Variants in DDX6 observed in about 807,000 individuals in gnomAD.
DDX6 encodes the protein probable ATP-dependent RNA helicase DDX6.
In DDX6, 7 loss-of-function variants were observed where a neutral mutation model predicts 60.6. The observed-to-expected ratio is 0.12, with a 90% confidence interval of 0.07 to 0.22. The LOEUF is 0.22. DDX6 is among the 10% of genes least tolerant of loss of function. The probability of loss-of-function intolerance (pLI) is 1.00; values close to 1 mark genes in which losing one functional copy is unlikely to be tolerated. For synonymous variants in DDX6, 207 were observed against 201.0 expected (o/e 1.03, Z -0.25); for missense variants, 270 against 589.9 (o/e 0.46, Z 5.62).
chr11:118,759,123 G>T (rs906503134), intron 8 of DDX6: 2 of 457,064 alleles, frequency 4.4e-6, no homozygotes, highest in Non-Finnish European at 7.6e-6. Context: ...GTAGTGGCAC[G>T]ATCTCTGCTC....
At chr11:118,783,654 T>C (rs1334118735) in intron 2 of DDX6, among the ~76,000 whole-genome samples, 2 of 151,354 alleles carry the variant, frequency 1.3e-5, no homozygotes, top group African/African-American at 2.4e-5. Flanking sequence ...ATACAAAAAT[T>C]AGCCAGACGT....
At chr11:118,769,444 C>T (rs913801236) in intron 4 of DDX6, among the ~76,000 whole-genome samples, 1 of 152,280 alleles carries the variant, frequency 6.6e-6, no homozygotes, top group South Asian at 2.1e-4. Context: ...TAATATTTGG[C>T]TTACTTTGTT....
At chr11:118,754,222 G>T (rs1337094764) in intron 13 of DDX6, among the ~76,000 whole-genome samples, 1 of 152,190 alleles carries the variant, frequency 6.6e-6, no homozygotes, top group African/African-American at 2.4e-5. Flanking sequence ...TGGAGTTCAG[G>T]AGTTCTGGAC....
At position 118,750,521 on chromosome 11, in the gene DDX6, A is replaced by G. The variant is rs1302705386; in HGVS notation, c.*1584T>C. 2 of 152,196 alleles carry G rather than the reference A, an allele frequency of 1.3e-5. No homozygotes were observed. The highest frequency in any genetic ancestry group is 1.3e-4 in the Admixed American group (2 of 15,260). The allele number at this position is 152,196 out of a possible 1,614,324, so 9.4% of individuals were successfully genotyped here. Reference sequence around the variant, plus strand: ...CAAAAGTTTATGTATCAAAGCGGGCAGAGGGCAACACATTTACACACTACA... The same window carrying G: ...CAAAAGTTTATGTATCAAAGCGGGCGGAGGGCAACACATTTACACACTACA... On this transcript the variant is annotated 3_prime_UTR_variant, in exon 14 of 14. Coordinates refer to ENST00000534980, the MANE Select transcript of DDX6 (RefSeq NM_004397.6).
intron 11 of DDX6, 74 bp from the exon 12 acceptor site, chr11:118,755,577 T>C (rs11217014): frequency 0.24 from 188,519 of 775,544 alleles, 23,733 homozygotes; most frequent in South Asian, 0.32. Context: ...CACATATTTC[T>C]AGCATAACCT....
chr11:118,765,441 G>T, intron 5 of DDX6, 86 bp from the exon 6 acceptor site: 1 of 1,424,356 alleles, frequency 7.0e-7, no homozygotes, highest in Non-Finnish European at 9.8e-7. Context: ...AATTTAAGAA[G>T]CTATAGAAAT....
chr11:118,770,984 A>G (rs1436137065), intron 4 of DDX6, among the ~76,000 whole-genome samples: 1 of 152,182 alleles, frequency 6.6e-6, no homozygotes, highest in Non-Finnish European at 1.5e-5. Flanking sequence ...GCAAACAAAG[A>G]AGAAAACCTT....
At position 118,751,067 on chromosome 11, in the gene DDX6, GTATATATA is replaced by G. The variant is rs36063767; in HGVS notation, c.*1030_*1037del. On this transcript the variant is annotated 3_prime_UTR_variant, in exon 14 of 14. Coordinates refer to ENST00000534980, the MANE Select transcript of DDX6 (RefSeq NM_004397.6). Reference sequence around the variant, plus strand: ...CATCCAAAAAAAAATATATATATATGTATATATATATATATATATGAACCCAGAAAAAA... The same window carrying G: ...CATCCAAAAAAAAATATATATATATGTATATATATATGAACCCAGAAAAAA... 7.1e-5 allele frequency: 10 copies of G among 140,188 alleles called. No homozygotes were observed. The South Asian group carries it at 1.3e-3, about 19-fold the overall frequency. The allele number at this position is 140,188 out of a possible 1,614,324, so 8.7% of individuals were successfully genotyped here. A position where few individuals can be genotyped will look rare whatever the true frequency, so the allele number is the denominator to read the frequency against.
At chr11:118,773,432 C>T (rs1236540657) in intron 4 of DDX6, among the ~76,000 whole-genome samples, 2 of 152,108 alleles carry the variant, frequency 1.3e-5, no homozygotes, top group Admixed American at 1.3e-4. Flanking sequence ...ATTAGCCGGG[C>T]GTGGTGGCAG....
At chr11:118,759,008 G>A in intron 8 of DDX6, 106 bp from the exon 9 acceptor site, 4 of 1,428,012 alleles carry the variant, frequency 2.8e-6, no homozygotes, top group South Asian at 1.3e-5. Flanking sequence ...AACTCTTGCT[G>A]TAAGGGACGC....
chr11:118,769,648 AAAT>A (rs376288319), intron 4 of DDX6, among the ~76,000 whole-genome samples: 24 of 147,418 alleles, frequency 1.6e-4, no homozygotes, highest in African/African-American at 5.0e-4. Context: ...ACAAACTATA[AAAT>A]ACAATAGATC....
rs1555158524 is a variant in DDX6 at position 118,755,486 on chromosome 11, T to C, written c.1192A>G (p.Ile398Val). The C allele has an allele frequency of 6.3e-7, 1 of 1,595,286 alleles. No homozygotes were observed. Among genetic ancestry groups the C allele is most frequent in the Non-Finnish European group, 8.6e-7 (1 of 1,164,492 alleles). Residue 398 changes from isoleucine (I) to valine (V), a missense_variant, in exon 12 of 14, where the codon ATT (isoleucine) becomes GTT (valine). Transcript: ENST00000534980. The part of the protein sequence containing the change: ...LVCTDLFTRG[I>V]DIQAVNVVIN... ...ACCACATTCACAGCTTGTATATCAATACCTCGGGTAAACAGATCTTAAAAA... is the reference window on the plus strand; with the variant it reads ...ACCACATTCACAGCTTGTATATCAACACCTCGGGTAAACAGATCTTAAAAA...
At chr11:118,756,172 C>T (rs1860970398) in intron 11 of DDX6, 88 bp downstream of exon 11, 1 of 995,018 alleles carries the variant, frequency 1.0e-6, no homozygotes, top group Non-Finnish European at 1.6e-6. Context: ...CGGACTATGT[C>T]ACAGGTTGCA....
chr11:118,774,701 G>C (rs781983269), intron 4 of DDX6, among the ~76,000 whole-genome samples: 3 of 151,992 alleles, frequency 2.0e-5, no homozygotes, highest in Non-Finnish European at 4.4e-5. Context: ...TGGGATTATA[G>C]GCATGAGCCA....
chr11:118,775,967 C>CCAAAAA (rs541954503), intron 4 of DDX6, among the ~76,000 whole-genome samples: 55 of 152,020 alleles, frequency 3.6e-4, no homozygotes, highest in South Asian at 2.9e-3. Flanking sequence ...CTTGACTCTA[C>CCAAAAA]CAAAAACAAA....
chr11:118,760,141 G>A, intron 7 of DDX6, 97 bp from the exon 8 acceptor site: 1 of 1,141,370 alleles, frequency 8.8e-7, no homozygotes, highest in South Asian at 1.6e-5. Flanking sequence ...TCCAACAAAA[G>A]CATCCATGAA....
At chr11:118,781,617 G>T (rs1790189) in intron 2 of DDX6, among the ~76,000 whole-genome samples, 94,133 of 152,058 alleles carry the variant, frequency 0.62, 29,631 homozygotes, top group East Asian at 0.7. Flanking sequence ...ACCATGGCCG[G>T]CTATTCTCAT....
At chr11:118,757,320 T>A (rs2137424255) in intron 9 of DDX6, 33 bp from the exon 10 acceptor site, 1 of 1,244,764 alleles carries the variant, frequency 8.0e-7, no homozygotes, top group Non-Finnish European at 1.1e-6. Flanking sequence ...ATGAGAAAAA[T>A]AAAAAAAACC....
At chr11:118,785,970 A>AT (rs1242888978) in intron 2 of DDX6, 82 bp downstream of exon 2, 24 of 1,326,642 alleles carry the variant, frequency 1.8e-5, no homozygotes, top group Admixed American at 1.1e-4. Context: ...AAATTAAGGC[A>AT]TAAGTATTAA....
Sources: allele counts gnomAD v4.1 joint callset (sites outside exome capture counted in the v4.1 genomes callset), GRCh38; gene constraint gnomAD v4.1.1; transcripts MANE v1.5; gene names NCBI Gene and HGNC (gene_info 2026-07-23, HGNC 2026-07-21).